ST18: variants seen among roughly 807,000 people sequenced by gnomAD.
The protein encoded by ST18 is ST18 C2H2C-type zinc finger transcription factor, also known as suppression of tumorigenicity 18 protein.
ST18 carries 50 observed loss-of-function variants against 110.0 expected under a neutral mutation model. That is an observed-to-expected ratio of 0.45 (90% CI 0.36 to 0.58). The LOEUF is 0.58. Among genes scored for constraint, ST18 ranks in the 20% least tolerant of loss-of-function variants. The pLI is 0.00. For synonymous variants in ST18, 461 were observed against 452.4 expected (o/e 1.02, Z -0.24); for missense variants, 1,306 against 1,280.1 (o/e 1.02, Z -0.31).
chr8:52,288,721 A>G (rs111625510), intron 2 of ST18, among the ~76,000 whole-genome samples: 3 of 152,000 alleles, frequency 2.0e-5, no homozygotes, highest in Non-Finnish European at 4.4e-5. Flanking sequence ...AAATAAAAGG[A>G]AAAAAGAAAA....
At chr8:52,137,156 CAT>C (rs965040313) in intron 18 of ST18, among the ~76,000 whole-genome samples, 1 of 152,216 alleles carries the variant, frequency 6.6e-6, no homozygotes, top group African/African-American at 2.4e-5. Flanking sequence ...CCTCATTCCA[CAT>C]GAGTCCTCAA....
chr8:52,117,750 C>T (rs2043056674), intron 24 of ST18, among the ~76,000 whole-genome samples: 1 of 152,186 alleles, frequency 6.6e-6, no homozygotes, highest in East Asian at 1.9e-4. Flanking sequence ...TATGCTCTGT[C>T]TCATTCTTTT....
rs553581460 is a variant in ST18 at position 52,283,389 on chromosome 8, T to TGAGA, written c.-464-53316_-464-53313dup. 7.9e-5 allele frequency among the ~76,000 whole-genome samples: 12 copies of TGAGA among 152,276 alleles called. No homozygotes were observed. The East Asian group carries it at 2.3e-3, about 29-fold the overall frequency. On this transcript the variant is annotated intron_variant, in intron 2 of 25. Coordinates refer to ENST00000689386, the MANE Select transcript of ST18 (RefSeq NM_001352837.2). ...GTGTCCAAAGTTGCAAGACTGCTTA[T>TGAGA]GAGATAACTCAGGTGTGACTTAGGT...
At chr8:52,153,569 G>GTATATTAT (rs997544359) in intron 15 of ST18, among the ~76,000 whole-genome samples, 1 of 152,176 alleles carries the variant, frequency 6.6e-6, no homozygotes, top group Non-Finnish European at 1.5e-5. Context: ...ATAAATTTGT[G>GTATATTAT]AAATATACTC....
chr8:52,300,091 T>C (rs1174105357), intron 2 of ST18, among the ~76,000 whole-genome samples: 1 of 152,256 alleles, frequency 6.6e-6, no homozygotes, highest in Non-Finnish European at 1.5e-5. Context: ...CGTTGATTCC[T>C]TCTGCTTATT....
At chr8:52,127,344 C>T (rs1001321031) in intron 22 of ST18, among the ~76,000 whole-genome samples, 1 of 152,020 alleles carries the variant, frequency 6.6e-6, no homozygotes, top group African/African-American at 2.4e-5. Context: ...TAATGAAAAG[C>T]ACAAACTCAA....
intron 2 of ST18, among the ~76,000 whole-genome samples, chr8:52,329,440 T>A (rs1169519308): frequency 1.3e-5 from 2 of 152,130 alleles, no homozygotes; most frequent in African/African-American, 4.8e-5. Context: ...GTTCCTTGTT[T>A]GTGAAATCCT....
chr8:52,139,880 C>T (rs1168813764), intron 17 of ST18, among the ~76,000 whole-genome samples: 1 of 152,180 alleles, frequency 6.6e-6, no homozygotes. Flanking sequence ...ATTTTGATAG[C>T]TAGACTAAAT....
chr8:52,165,366 C>T, intron 11 of ST18, 141 bp from the exon 12 acceptor site: 3 of 769,186 alleles, frequency 3.9e-6, no homozygotes, highest in Non-Finnish European at 6.4e-6. Flanking sequence ...CAGACACAAA[C>T]AAGTGAGCAT....
intron 6 of ST18, among the ~76,000 whole-genome samples, chr8:52,216,791 T>G (rs978520763): frequency 1.3e-4 from 20 of 152,178 alleles, no homozygotes; most frequent in Admixed American, 1.3e-3. Flanking sequence ...AAATTGCCAA[T>G]GGGTAGGTTT....
At chr8:52,133,564 C>G (rs1454420133) in intron 19 of ST18, among the ~76,000 whole-genome samples, 1 of 151,380 alleles carries the variant, frequency 6.6e-6, no homozygotes, top group Non-Finnish European at 1.5e-5. Context: ...TACTGAGTGA[C>G]AATGGATTAG....
At chr8:52,290,720 C>T (rs2095542872) in intron 2 of ST18, among the ~76,000 whole-genome samples, 3 of 152,044 alleles carry the variant, frequency 2.0e-5, no homozygotes, top group South Asian at 2.1e-4. Flanking sequence ...TCAGGGAAGC[C>T]TTTCTTCACC....
At chr8:52,326,113 T>C (rs1806274749) in intron 2 of ST18, among the ~76,000 whole-genome samples, 1 of 152,188 alleles carries the variant, frequency 6.6e-6, no homozygotes, top group South Asian at 2.1e-4. Context: ...AAAAGCCTTG[T>C]GCCTCCAAAC....
At chr8:52,199,769 T>C (rs776777511) in intron 8 of ST18, among the ~76,000 whole-genome samples, 19 of 152,216 alleles carry the variant, frequency 1.2e-4, no homozygotes, top group Non-Finnish European at 1.8e-4. Flanking sequence ...CTTTGACCCA[T>C]GGCCACCTAA....
chr8:52,384,827 C>A (rs1835935544), intron 2 of ST18, among the ~76,000 whole-genome samples: 1 of 150,966 alleles, frequency 6.6e-6, no homozygotes, highest in South Asian at 2.1e-4. Flanking sequence ...CTATCACCAT[C>A]ACTAGGCCCC....
intron 14 of ST18, among the ~76,000 whole-genome samples, chr8:52,159,538 G>C (rs564960058): frequency 6.6e-5 from 10 of 152,260 alleles, no homozygotes; most frequent in African/African-American, 2.2e-4. Flanking sequence ...AAAAAAAAAT[G>C]TGTCCTTTCA....
chr8:52,205,342 C>T (rs1296348046), intron 8 of ST18, among the ~76,000 whole-genome samples: 3 of 151,982 alleles, frequency 2.0e-5, no homozygotes, highest in Non-Finnish European at 4.4e-5. Context: ...AAATGACTCA[C>T]ACCTCCCATA....
chr8:52,144,595 G>A (rs150090578), intron 16 of ST18, among the ~76,000 whole-genome samples: 2 of 152,154 alleles, frequency 1.3e-5, no homozygotes, highest in East Asian at 3.9e-4. Context: ...ATTGTCTTCA[G>A]ATTACATTAA....
intron 2 of ST18, among the ~76,000 whole-genome samples, chr8:52,236,114 G>A (rs2092624790): frequency 6.6e-6 from 1 of 152,184 alleles, no homozygotes; most frequent in Non-Finnish European, 1.5e-5. Context: ...ATGGTCTAAA[G>A]GAGGCAACAG....
Sources: gnomAD v4.1 joint callset for allele counts (sites outside exome capture counted in the v4.1 genomes callset) on GRCh38, gnomAD v4.1.1 for gene constraint, MANE v1.5 for transcripts, NCBI Gene and HGNC (gene_info 2026-07-23, HGNC 2026-07-21) for gene names.